The following ZNF638 variants were observed in gnomAD, a reference collection of about 807,000 sequenced individuals.
ZNF638 encodes the protein zinc finger protein 638.
Under a neutral mutation model 195.6 loss-of-function variants are expected in ZNF638, and 46 were observed. That is an observed-to-expected ratio of 0.24 (90% confidence interval 0.19 to 0.30). ZNF638 has a LOEUF of 0.30. ZNF638 is among the 10% of genes least tolerant of loss of function. The pLI, the probability that ZNF638 is intolerant of heterozygous loss-of-function variation, is 1.00. For missense variants in ZNF638, 2,440 were observed against 2,325.3 expected, an observed-to-expected ratio of 1.05 and a Z score of -1.01; for synonymous variants, 845 against 772.0, an observed-to-expected ratio of 1.09 and a Z score of -1.57.
intron 21 of ZNF638, among the ~76,000 whole-genome samples, chr2:71,418,984 C>A (rs994829402): frequency 1.3e-5 from 2 of 152,154 alleles, no homozygotes; most frequent in Non-Finnish European, 2.9e-5. Context: ...TTTTCCTATT[C>A]CAAAATAAAC....
intron 2 of ZNF638, among the ~76,000 whole-genome samples, chr2:71,353,385 C>T (rs565280639): frequency 3.9e-5 from 6 of 152,126 alleles, no homozygotes; most frequent in Non-Finnish European, 4.4e-5. Flanking sequence ...AGCCCTGATA[C>T]GAGTAGTTAT....
In ZNF638 at chr2:71,353,738, A is replaced by C. The variant is rs768822592; in HGVS notation, c.1318-1981A>C. On this transcript the variant is annotated intron_variant, in intron 2 of 27. Transcript: ENST00000264447. ...TCCTATTTTTTCAAGAAAAGCTGGAAATCTGGACTTGCGGGTAAAAATCTC... is the reference window on the plus strand; with the variant it reads ...TCCTATTTTTTCAAGAAAAGCTGGACATCTGGACTTGCGGGTAAAAATCTC... Among the ~76,000 whole-genome samples the C allele has an allele frequency of 6.6e-5, 10 of 152,314 alleles. 1 individual carries two copies. In the South Asian group the frequency reaches 2.1e-3, roughly 32 times the overall value.
intron 6 of ZNF638, among the ~76,000 whole-genome samples, chr2:71,367,495 G>A (rs1251327126): frequency 6.7e-6 from 1 of 148,832 alleles, no homozygotes; most frequent in East Asian, 2.0e-4. Flanking sequence ...GTGCAGTGGC[G>A]TGATCTTGGC....
chr2:71,431,502 G>C, intron 26 of ZNF638, 74 bp downstream of exon 26: 1 of 1,338,022 alleles, frequency 7.5e-7, no homozygotes, highest in Non-Finnish European at 1.1e-6. Flanking sequence ...GCTCAAGCCT[G>C]TAATCCCAGC....
chr2:71,426,801 A>T lies in ZNF638; in HGVS notation c.4932A>T (p.Thr1644=). 1 of 1,613,384 alleles carries T rather than the reference A, an allele frequency of 6.2e-7. No homozygotes were observed. The highest frequency in any genetic ancestry group is 1.3e-5 in the African/African-American group (1 of 75,000). ...TAAAAAATTCAAATTCACTTTTTAC[A>T]TTAGATGAATTAATTGACCAAGATG... is the stretch of plus-strand genomic sequence containing the variant. ...EMVKNSNSLF[T]LDELIDQDDC... The change falls in exon 24 of 28, where the codon ACA becomes ACT. Residue 1644 remains threonine, a synonymous_variant. Transcript: ENST00000264447.
In ZNF638 at chr2:71,400,112, A is replaced by G. The variant is rs1248186570; in HGVS notation, c.2588A>G (p.Glu863Gly). ...TATTAAAGCAGACTATTTCATGCAG[A>G]AAACTCTGAAATAAAGACCAGTATT... ...KDSNKPVTIP[E>G]NSEIKTSIEV... Residue 863 changes from glutamate (E) to glycine (G), a missense_variant and splice_region_variant, in exon 14 of 28, where the codon GAA (glutamate) becomes GGA (glycine). Coordinates refer to ENST00000264447, the MANE Select transcript of ZNF638 (RefSeq NM_014497.5). 1 of 1,602,698 alleles carries G rather than the reference A, an allele frequency of 6.2e-7. No homozygotes were observed. The highest frequency in any genetic ancestry group is 1.7e-5 in the Admixed American group (1 of 57,596).
At chr2:71,388,605 C>G in intron 10 of ZNF638, 2 of 791,004 alleles carry the variant, frequency 2.5e-6, no homozygotes, top group East Asian at 4.9e-5. Flanking sequence ...GTACTTTTTT[C>G]ATCCGTCGCT....
intron 9 of ZNF638, 115 bp downstream of exon 9, chr2:71,380,395 G>A: frequency 1.8e-6 from 2 of 1,097,794 alleles, no homozygotes; most frequent in Non-Finnish European, 2.6e-6. Flanking sequence ...TAGTTTAAGA[G>A]GGATATCACT....
At chr2:71,383,853 C>T (rs187477558) in intron 10 of ZNF638, among the ~76,000 whole-genome samples, 8 of 147,982 alleles carry the variant, frequency 5.4e-5, no homozygotes, top group African/African-American at 1.0e-4. Flanking sequence ...GCACCCACCT[C>T]GGCCTCCCAA....
At chr2:71,369,834 A>T in intron 7 of ZNF638, 49 bp from the exon 8 acceptor site, 1 of 1,524,780 alleles carries the variant, frequency 6.6e-7, no homozygotes, top group African/African-American at 1.4e-5. Flanking sequence ...AAATGCAGGA[A>T]CTTTTAAAGA....
intron 17 of ZNF638, among the ~76,000 whole-genome samples, 194 bp from the exon 18 acceptor site, chr2:71,405,407 T>A (rs181396223): frequency 6.6e-6 from 1 of 152,204 alleles, no homozygotes. Context: ...AGAATTAAAT[T>A]GTATGGGTTA....
chr2:71,368,781 C>T (rs2079251983), intron 7 of ZNF638, among the ~76,000 whole-genome samples: 1 of 152,196 alleles, frequency 6.6e-6, no homozygotes, highest in Non-Finnish European at 1.5e-5. Context: ...AGGATCTCAA[C>T]TACTGTGCTC....
At chr2:71,391,806 A>AC (rs1263890380) in intron 10 of ZNF638, among the ~76,000 whole-genome samples, 1 of 152,118 alleles carries the variant, frequency 6.6e-6, no homozygotes, top group Non-Finnish European at 1.5e-5. Context: ...CCCTAGACTC[A>AC]CCCAGGTATT....
chr2:71,363,108 A>C (rs746688403), intron 3 of ZNF638, 45 bp from the exon 4 acceptor site: 26 of 1,393,130 alleles, frequency 1.9e-5, no homozygotes, highest in Non-Finnish European at 2.0e-6. Flanking sequence ...TGAGCCTTAC[A>C]GTCTGATTTT....
Position 71,377,730 on chromosome 2 carries a change from T to C in ZNF638, c.2266-2492T>C, listed in dbSNP as rs536059586. Among the ~76,000 whole-genome samples the C allele has an allele frequency of 8.5e-5, 13 of 152,334 alleles. No homozygotes were observed. The East Asian group carries it at 9.6e-4, about 11-fold the overall frequency. ...GATTAGAGGAAAGGCATGGTAGATA[T>C]ATTTAGAAGACACAATCTGTACATA... On this transcript the variant is annotated intron_variant, in intron 8 of 27. Transcript: ENST00000264447.
intron 8 of ZNF638, among the ~76,000 whole-genome samples, chr2:71,371,453 G>A (rs1205793328): frequency 6.6e-6 from 1 of 151,950 alleles, no homozygotes; most frequent in South Asian, 2.1e-4. Flanking sequence ...ACTAATTTAC[G>A]TTCCCACCAA....
At chr2:71,386,575 T>G (rs1201435044) in intron 10 of ZNF638, among the ~76,000 whole-genome samples, 2 of 152,172 alleles carry the variant, frequency 1.3e-5, no homozygotes, top group Non-Finnish European at 2.9e-5. Context: ...GGATACACCG[T>G]TATTTGCAAA....
At chr2:71,419,911 A>AC (rs2080388938) in intron 21 of ZNF638, among the ~76,000 whole-genome samples, 1 of 149,384 alleles carries the variant, frequency 6.7e-6, no homozygotes, top group Non-Finnish European at 1.5e-5. Flanking sequence ...AGATGTATTC[A>AC]ACCTCATAAA....
chr2:71,354,487 C>A (rs573992366), intron 2 of ZNF638, among the ~76,000 whole-genome samples: 2 of 152,124 alleles, frequency 1.3e-5, no homozygotes, highest in East Asian at 3.9e-4. Flanking sequence ...GTAATCCTAA[C>A]ACTTTTGGGA....
Sources: gnomAD v4.1 joint callset for allele counts (sites outside exome capture counted in the v4.1 genomes callset) on GRCh38, gnomAD v4.1.1 for gene constraint, MANE v1.5 for transcripts, NCBI Gene and HGNC (gene_info 2026-07-23, HGNC 2026-07-21) for gene names.